Variants in TEK observed in about 807,000 individuals in gnomAD.
The protein encoded by TEK is angiopoietin-1 receptor.
A neutral mutation model predicts 131.8 loss-of-function variants in TEK; 43 were observed. The observed-to-expected ratio is 0.33, with a 90% CI of 0.26 to 0.42. The LOEUF (loss-of-function observed/expected upper bound fraction) is 0.42, where lower values mean the gene tolerates loss of function less well. Ranked by LOEUF, TEK falls within the 10% of genes least tolerant of loss-of-function variation. The pLI, the probability that TEK is intolerant of heterozygous loss-of-function variation, is 1.00. For synonymous variants in TEK, 580 were observed against 491.6 expected, an observed-to-expected ratio of 1.18 and a Z score of -2.38; for missense variants, 1,162 against 1,384.4, an observed-to-expected ratio of 0.84 and a Z score of 2.55.
intron 14 of TEK, 102 bp downstream of exon 14, chr9:27,205,167 A>T: frequency 2.1e-6 from 3 of 1,432,498 alleles, no homozygotes; most frequent in Non-Finnish European, 9.7e-7. Flanking sequence ...TAAAGTAAAT[A>T]TTTCCCTTAG....
intron 1 of TEK, among the ~76,000 whole-genome samples, chr9:27,141,065 C>T (rs957908361): frequency 1.3e-5 from 2 of 152,084 alleles, no homozygotes; most frequent in African/African-American, 4.8e-5. Context: ...CCACAAGCAT[C>T]ATCTTGGAAG....
intron 1 of TEK, among the ~76,000 whole-genome samples, chr9:27,117,855 G>A (rs1821629547): frequency 6.6e-6 from 1 of 152,148 alleles, no homozygotes; most frequent in Admixed American, 6.5e-5. Context: ...CAGCTTTCCC[G>A]CTTTTGTTAA....
chr9:27,137,313 C>T (rs1381655048), intron 1 of TEK, among the ~76,000 whole-genome samples: 1 of 152,142 alleles, frequency 6.6e-6, no homozygotes. Context: ...TAATCAGATA[C>T]CCTAGTATCT....
chr9:27,208,500 C>G (rs1825483608), intron 15 of TEK, among the ~76,000 whole-genome samples: 1 of 152,222 alleles, frequency 6.6e-6, no homozygotes, highest in South Asian at 2.1e-4. Flanking sequence ...AGAATAGAAG[C>G]AGATGCAACT....
chr9:27,167,352 C>T (rs764618161), intron 2 of TEK, among the ~76,000 whole-genome samples: 3 of 152,058 alleles, frequency 2.0e-5, no homozygotes, highest in South Asian at 2.1e-4. Context: ...CTCAGCCTCC[C>T]GAGTAGCTGG....
At chr9:27,193,422 G>A (rs77911835) in intron 11 of TEK, among the ~76,000 whole-genome samples, 309 of 152,242 alleles carry the variant, frequency 2.0e-3, no homozygotes, top group African/African-American at 7.1e-3. Context: ...GGGTCCACAC[G>A]TTCTAGATAA....
chr9:27,229,448 A>C lies in TEK; in HGVS notation c.*216A>C. ...ATATACTGTTTTAAGAATGGGCTGA[A>C]ATCAGAATGCCTGTTTGTGGTTTCA... On this transcript the variant is annotated 3_prime_UTR_variant, in exon 23 of 23. Coordinates refer to ENST00000380036, the MANE Select transcript of TEK (RefSeq NM_000459.5). 1.7e-6 allele frequency: 1 copy of C among 584,142 alleles called. No homozygotes were observed. The highest frequency in any genetic ancestry group is 3.1e-6 in the Non-Finnish European group (1 of 326,756). 36.2% of individuals were successfully genotyped at this position (584,142 alleles called of 1,614,324 possible).
chr9:27,203,889 T>A (rs1480327803), intron 13 of TEK, among the ~76,000 whole-genome samples: 1 of 152,226 alleles, frequency 6.6e-6, no homozygotes, highest in East Asian at 1.9e-4. Flanking sequence ...ACTTCTTGGT[T>A]CTCTTGGAGG....
chr9:27,203,202 G>A, intron 13 of TEK, 83 bp downstream of exon 13: 1 of 1,478,346 alleles, frequency 6.8e-7, no homozygotes, highest in Admixed American at 1.8e-5. Flanking sequence ...CCTGTGAGAT[G>A]AAAGCCTATG....
intron 16 of TEK, 74 bp from the exon 17 acceptor site, chr9:27,212,633 T>G: frequency 6.5e-7 from 1 of 1,547,490 alleles, no homozygotes; most frequent in Non-Finnish European, 8.9e-7. Flanking sequence ...ATAGGCAATT[T>G]CCACAGCACA....
chr9:27,175,437 A>T (rs1057091080), intron 6 of TEK, among the ~76,000 whole-genome samples: 1 of 151,822 alleles, frequency 6.6e-6, no homozygotes, highest in Non-Finnish European at 1.5e-5. Context: ...GAATAGTGCC[A>T]CAATAAACAT....
intron 6 of TEK, among the ~76,000 whole-genome samples, chr9:27,178,323 G>C (rs573787): frequency 0.78 from 118,215 of 151,908 alleles, 46,559 homozygotes; most frequent in African/African-American, 0.88. Context: ...GTCTATATGT[G>C]TGTTTTTATG....
rs1035725013 is a variant in TEK, at chr9:27,229,278, AGACCCTTGACACCT to A, written c.*48_*61del. ...TCTGTTTCCCTTTCACTGGCATGGG[AGACCCTTGACACCT>A]GCTGAGAAAACATGCCTCTGCCAAA... On this transcript the variant is annotated 3_prime_UTR_variant, in exon 23 of 23. Transcript: ENST00000380036. 32 of 1,585,008 alleles carry A rather than the reference AGACCCTTGACACCT, an allele frequency of 2.0e-5. No individual in the cohort carries two copies. Among genetic ancestry groups the A allele is most frequent in the Non-Finnish European group, 2.8e-5 (32 of 1,153,656 alleles).
chr9:27,112,169 G>A (rs1045846814), intron 1 of TEK, among the ~76,000 whole-genome samples: 8 of 152,164 alleles, frequency 5.3e-5, no homozygotes, highest in African/African-American at 1.9e-4. Flanking sequence ...AAAGTGCTGG[G>A]ATTACAGGCA....
rs151070728 is a variant in TEK at position 27,114,476 on chromosome 9, C to T, written c.52+4834C>T. Among the ~76,000 whole-genome samples, 474 of 151,872 alleles carry T rather than the reference C, an allele frequency of 3.1e-3. 5 individuals carry two copies. Among genetic ancestry groups the T allele is most frequent in the African/African-American group, 0.011 (447 of 41,476 alleles). On this transcript the variant is annotated intron_variant, in intron 1 of 22. Transcript: ENST00000380036. ...ATCCCAGCTACTCGGAAGGTTGAGGCAGGAAAATCTCTTAAACCAGGGAGG... is the reference window on the plus strand; with the variant it reads ...ATCCCAGCTACTCGGAAGGTTGAGGTAGGAAAATCTCTTAAACCAGGGAGG...
At chr9:27,203,836 T>C (rs1825307451) in intron 13 of TEK, among the ~76,000 whole-genome samples, 1 of 152,194 alleles carries the variant, frequency 6.6e-6, no homozygotes, top group Non-Finnish European at 1.5e-5. Flanking sequence ...ATGATTTGGA[T>C]TACAGTCTGT....
intron 6 of TEK, among the ~76,000 whole-genome samples, chr9:27,177,382 T>G (rs189297163): frequency 2.0e-5 from 3 of 152,330 alleles, no homozygotes; most frequent in Admixed American, 2.0e-4. Context: ...CATTGTGGTT[T>G]TGATTTTCAT....
chr9:27,221,258 G>T (rs969706271), intron 21 of TEK, among the ~76,000 whole-genome samples: 1 of 152,200 alleles, frequency 6.6e-6, no homozygotes, highest in African/African-American at 2.4e-5. Flanking sequence ...TGAAAGAAAG[G>T]CAACAGCCAC....
At chr9:27,125,690 T>C (rs1821960114) in intron 1 of TEK, among the ~76,000 whole-genome samples, 1 of 152,228 alleles carries the variant, frequency 6.6e-6, no homozygotes, top group Non-Finnish European at 1.5e-5. Flanking sequence ...TTACATGATT[T>C]GAAGCATGTC....
Sources: allele counts gnomAD v4.1 joint callset (sites outside exome capture counted in the v4.1 genomes callset), GRCh38; gene constraint gnomAD v4.1.1; transcripts MANE v1.5; gene names NCBI Gene and HGNC (gene_info 2026-07-23, HGNC 2026-07-21).